Variants in TRDN observed in about 807,000 individuals in gnomAD.
The protein encoded by TRDN is triadin.
Under a neutral mutation model 149.7 loss-of-function variants are expected in TRDN, and 161 were observed. That is an observed-to-expected ratio of 1.08 (90% CI 0.95 to 1.23). TRDN has a LOEUF of 1.23. Among genes scored for constraint, TRDN ranks in the 50% most tolerant of loss-of-function variants. The pLI is 0.00. For synonymous variants in TRDN, 294 were observed against 250.5 expected (o/e 1.17, Z -1.64); for missense variants, 896 against 823.5 (o/e 1.09, Z -1.08).
At chr6:123,620,457 C>T (rs770201934) in intron 1 of TRDN, among the ~76,000 whole-genome samples, 1 of 152,144 alleles carries the variant, frequency 6.6e-6, no homozygotes, top group Admixed American at 6.6e-5. Flanking sequence ...ATATAGCTCA[C>T]ATGCATTCAT....
intron 1 of TRDN, among the ~76,000 whole-genome samples, chr6:123,584,839 T>G (rs921413948): frequency 6.6e-6 from 1 of 152,008 alleles, no homozygotes; most frequent in Non-Finnish European, 1.5e-5. Context: ...GTATATGGAT[T>G]TGGAACCACG....
At chr6:123,624,301 G>C (rs1331407511) in intron 1 of TRDN, among the ~76,000 whole-genome samples, 1 of 152,112 alleles carries the variant, frequency 6.6e-6, no homozygotes, top group Non-Finnish European at 1.5e-5. Context: ...TACCACGATA[G>C]TATAGCACAT....
intron 1 of TRDN, among the ~76,000 whole-genome samples, chr6:123,573,436 T>C (rs534173213): frequency 6.6e-6 from 1 of 152,188 alleles, no homozygotes; most frequent in African/African-American, 2.4e-5. Flanking sequence ...AGCACAACTA[T>C]GACTCTCACT....
At chr6:123,623,243 C>G (rs534056889) in intron 1 of TRDN, among the ~76,000 whole-genome samples, 1 of 151,922 alleles carries the variant, frequency 6.6e-6, no homozygotes, top group Non-Finnish European at 1.5e-5. Context: ...ATTGGAGAAG[C>G]AAAATGACCT....
rs886061023 is a variant in TRDN at position 123,216,460 on chromosome 6, A to G, written c.*2141T>C. The G allele has an allele frequency of 6.6e-6, 1 of 152,066 alleles. No homozygotes were observed. The highest frequency in any genetic ancestry group is 1.9e-4 in the East Asian group (1 of 5,148). The allele number at this position is 152,066 out of a possible 1,614,324, so 9.4% of individuals were successfully genotyped here. A position where few individuals can be genotyped will look rare whatever the true frequency, so the allele number is the denominator to read the frequency against. On this transcript the variant is annotated 3_prime_UTR_variant, in exon 41 of 41. Coordinates refer to ENST00000334268, the MANE Select transcript of TRDN (RefSeq NM_006073.4). ...CAGATAAAACGTAATTATTATTAAC[A>G]TTTTTACATTATAGCTGATTTGTCT... is the stretch of plus-strand genomic sequence containing the variant.
At chr6:123,337,215 A>G (rs558385735) in intron 22 of TRDN, among the ~76,000 whole-genome samples, 27 of 152,196 alleles carry the variant, frequency 1.8e-4, no homozygotes, top group African/African-American at 6.0e-4. Context: ...TTTTGTTGTC[A>G]TCATCATCTC....
chr6:123,571,496 TTG>T (rs1256987148), intron 1 of TRDN, among the ~76,000 whole-genome samples: 1 of 151,748 alleles, frequency 6.6e-6, no homozygotes. Flanking sequence ...CATGTTTTGT[TTG>T]TTTGTTTGTT....
rs1775012421 is a variant in TRDN, at chr6:123,218,004, T to C, written c.*597A>G. The C allele has an allele frequency of 6.6e-6, 1 of 151,978 alleles. No individual in the cohort carries two copies. The highest frequency in any genetic ancestry group is 2.4e-5 in the African/African-American group (1 of 41,436). 9.4% of individuals were successfully genotyped at this position (151,978 alleles called of 1,614,324 possible). A position where few individuals can be genotyped will look rare whatever the true frequency, so the allele number is the denominator to read the frequency against. ...CCATGTCTAAAGCTCAGAGATATTT[T>C]GAGCTCTAAAAGAGTATCACAAGAA... On this transcript the variant is annotated 3_prime_UTR_variant, in exon 41 of 41. Transcript: ENST00000334268.
intron 12 of TRDN, among the ~76,000 whole-genome samples, chr6:123,436,565 G>A (rs947844008): frequency 6.6e-6 from 1 of 151,810 alleles, no homozygotes; most frequent in Non-Finnish European, 1.5e-5. Context: ...TTATATAGTT[G>A]ACATCCTATG....
chr6:123,575,230 G>A (rs548046368), intron 1 of TRDN, among the ~76,000 whole-genome samples: 3 of 151,832 alleles, frequency 2.0e-5, no homozygotes, highest in Non-Finnish European at 2.9e-5. Flanking sequence ...TAATCTGAAG[G>A]TCATCCTTCT....
At chr6:123,494,277 G>A (rs1325861117) in intron 9 of TRDN, among the ~76,000 whole-genome samples, 1 of 152,130 alleles carries the variant, frequency 6.6e-6, no homozygotes, top group Non-Finnish European at 1.5e-5. Flanking sequence ...GGCTCTCTCT[G>A]TGCGGTCGTT....
intron 1 of TRDN, among the ~76,000 whole-genome samples, chr6:123,572,752 A>G (rs1390084631): frequency 6.6e-6 from 1 of 152,116 alleles, no homozygotes; most frequent in Admixed American, 6.6e-5. Context: ...TATTGTCTAT[A>G]ATAATTTAAG....
At chr6:123,254,302 A>G (rs1239274629) in intron 37 of TRDN, among the ~76,000 whole-genome samples, 1 of 152,084 alleles carries the variant, frequency 6.6e-6, no homozygotes, top group Non-Finnish European at 1.5e-5. Flanking sequence ...GAATACATTA[A>G]TAATTTTACG....
In TRDN at chr6:123,296,437, T is replaced by C. The variant is rs192605767; in HGVS notation, c.1511-17355A>G. Among the ~76,000 whole-genome samples, 5 of 152,292 alleles carry C rather than the reference T, an allele frequency of 3.3e-5. No homozygotes were observed. The East Asian group carries it at 9.6e-4, about 29-fold the overall frequency. ...CAAGAAAATATCATAAGGACTTTAATGGGATGCTTCAATCAGTTTAGAAAT... is the reference window on the plus strand; with the variant it reads ...CAAGAAAATATCATAAGGACTTTAACGGGATGCTTCAATCAGTTTAGAAAT... On this transcript the variant is annotated intron_variant, in intron 24 of 40. Transcript: ENST00000334268.
rs529048285 is a variant in TRDN at position 123,376,478 on chromosome 6, T to A, written c.1247-847A>T. On this transcript the variant is annotated intron_variant, in intron 18 of 40. Transcript: ENST00000334268. ...TCTTCCTTCACTCAATAAGCCATCA[T>A]CAAGCGCCCAATGTGTCCTGGCATT... is the stretch of plus-strand genomic sequence containing the variant. Among the ~76,000 whole-genome samples, 16 of 152,310 alleles carry A rather than the reference T, an allele frequency of 1.1e-4. No individual in the cohort carries two copies. In the South Asian group the frequency reaches 3.1e-3, roughly 30 times the overall value.
chr6:123,584,517 T>C (rs1488381518), intron 1 of TRDN, among the ~76,000 whole-genome samples: 3 of 152,072 alleles, frequency 2.0e-5, no homozygotes, highest in Non-Finnish European at 4.4e-5. Context: ...GTTGTTGTTT[T>C]GTAAGGGATT....
intron 10 of TRDN, among the ~76,000 whole-genome samples, chr6:123,455,134 AT>A (rs373704428): frequency 3.2e-4 from 49 of 151,768 alleles, no homozygotes; most frequent in East Asian, 1.7e-3. Context: ...TGACTTCACG[AT>A]TTTTTTTTCA....
At chr6:123,484,837 G>A (rs933222813) in intron 9 of TRDN, among the ~76,000 whole-genome samples, 2 of 152,180 alleles carry the variant, frequency 1.3e-5, no homozygotes, top group Non-Finnish European at 2.9e-5. Context: ...CATAGAGGAT[G>A]TAAAGTAATA....
chr6:123,337,312 A>C (rs2114737157), intron 22 of TRDN, among the ~76,000 whole-genome samples: 1 of 152,204 alleles, frequency 6.6e-6, no homozygotes, highest in Admixed American at 6.6e-5. Context: ...TTTGGGGACA[A>C]GTGCTTCTTA....
Sources: allele counts gnomAD v4.1 joint callset (sites outside exome capture counted in the v4.1 genomes callset), GRCh38; gene constraint gnomAD v4.1.1; transcripts MANE v1.5; gene names NCBI Gene and HGNC (gene_info 2026-07-23, HGNC 2026-07-21).